Variants in CD247 observed in about 807,000 individuals in gnomAD.
CD247 encodes the protein T-cell surface glycoprotein CD3 zeta chain.
Under a neutral mutation model 30.0 loss-of-function variants are expected in CD247, and 13 were observed. The ratio of observed to expected loss-of-function variants is 0.43; its 90% CI spans 0.28 to 0.69. CD247 has a LOEUF of 0.69. Ranked by LOEUF, CD247 falls within the 30% of genes least tolerant of loss-of-function variation. CD247 has a pLI of 0.16. For missense variants in CD247, 193 were observed against 212.6 expected (o/e 0.91, Z 0.57); for synonymous variants, 72 against 80.0 (o/e 0.90, Z 0.53).
chr1:167,449,019 G>C (rs893070580), intron 1 of CD247, among the ~76,000 whole-genome samples: 21 of 152,154 alleles, frequency 1.4e-4, no homozygotes, highest in African/African-American at 5.1e-4. Flanking sequence ...GGTTCCAAGG[G>C]AAGAGGGAAG....
rs1651273691 is a variant in CD247, at chr1:167,431,692, G to A, written c.484C>T (p.Pro162Ser). The A allele has an allele frequency of 6.2e-6, 10 of 1,613,924 alleles. No individual in the cohort carries two copies. The highest frequency in any genetic ancestry group is 8.5e-6 in the Non-Finnish European group (10 of 1,179,776). Residue 162 changes from proline (P) to serine (S), a missense_variant, in exon 8 of 8, where the codon CCC (proline) becomes TCC (serine). Physicochemically the swap from Pro to Ser is moderately conservative, Grantham distance 74. Transcript: ENST00000362089. ...AAATCCCCTGGCTGTTAGCGAGGGG[G>A]CAGGGCCTGCATGTGAAGGGCGTCG... ...TYDALHMQAL[P>S]PR
At chr1:167,473,606 G>C (rs1245125486) in intron 1 of CD247, among the ~76,000 whole-genome samples, 2 of 152,304 alleles carry the variant, frequency 1.3e-5, no homozygotes, top group African/African-American at 4.8e-5. Context: ...TGCAGAACTG[G>C]GAGTCCTAGG....
rs188972073 is a variant in CD247, at chr1:167,459,300, T to A, written c.59-18533A>T. Among the ~76,000 whole-genome samples, 852 of 151,534 alleles carry A rather than the reference T, an allele frequency of 5.6e-3. 3 individuals are homozygous for A. The highest frequency in any genetic ancestry group is 0.012 in the South Asian group (56 of 4,784). ...AATGGGTCCAATTGTTAATTTTTTT[T>A]AAAGGTTCAAGAAATACACTACTTT... On this transcript the variant is annotated intron_variant, in intron 1 of 7. Transcript: ENST00000362089.
intron 1 of CD247, among the ~76,000 whole-genome samples, chr1:167,481,268 C>T (rs1052995323): frequency 6.6e-6 from 1 of 152,188 alleles, no homozygotes. Context: ...GGCTGGGCAA[C>T]AGAGAGAGAC....
chr1:167,476,779 A>C (rs1157610658), intron 1 of CD247, among the ~76,000 whole-genome samples: 3 of 152,192 alleles, frequency 2.0e-5, no homozygotes, highest in African/African-American at 7.2e-5. Context: ...CAGCCTGGGC[A>C]AGAGTGAGAC....
At chr1:167,504,955 C>T (rs577175206) in intron 1 of CD247, among the ~76,000 whole-genome samples, 1 of 152,264 alleles carries the variant, frequency 6.6e-6, no homozygotes, top group African/African-American at 2.4e-5. Context: ...AAAATTCATA[C>T]TCATGAAAAC....
At chr1:167,439,320 G>T (rs1651701606) in intron 3 of CD247, 24 bp downstream of exon 3, 2 of 1,610,672 alleles carry the variant, frequency 1.2e-6, no homozygotes, top group Admixed American at 3.3e-5. Flanking sequence ...CCTTTCCGGA[G>T]GGTCTACGGC....
At chr1:167,478,227 A>C (rs1242806259) in intron 1 of CD247, among the ~76,000 whole-genome samples, 1 of 152,220 alleles carries the variant, frequency 6.6e-6, no homozygotes, top group African/African-American at 2.4e-5. Flanking sequence ...TCTCTCACAC[A>C]CAGATGGAGA....
intron 1 of CD247, among the ~76,000 whole-genome samples, chr1:167,445,048 C>G (rs955044327): frequency 6.6e-6 from 1 of 152,146 alleles, no homozygotes; most frequent in Middle Eastern, 3.4e-3. Context: ...GCCTCAGCCT[C>G]CCAAGTGGCT....
intron 1 of CD247, among the ~76,000 whole-genome samples, chr1:167,462,726 G>A (rs575490614): frequency 1.3e-5 from 2 of 152,298 alleles, no homozygotes; most frequent in African/African-American, 2.4e-5. Context: ...AAGGGGGCCA[G>A]GGCAATTCTC....
At chr1:167,437,024 C>T (rs1651577108) in intron 4 of CD247, among the ~76,000 whole-genome samples, 1 of 152,178 alleles carries the variant, frequency 6.6e-6, no homozygotes. Context: ...AATGTCTATA[C>T]TCCCATGTTG....
At chr1:167,482,404 C>T (rs1028472219) in intron 1 of CD247, among the ~76,000 whole-genome samples, 5 of 152,356 alleles carry the variant, frequency 3.3e-5, no homozygotes, top group Admixed American at 3.3e-4. Flanking sequence ...AGGGCTTTGC[C>T]TGGGTTTGTT....
intron 1 of CD247, among the ~76,000 whole-genome samples, chr1:167,497,070 A>G (rs1654723610): frequency 6.6e-6 from 1 of 152,250 alleles, no homozygotes; most frequent in South Asian, 2.1e-4. Context: ...GCGTCCAAAC[A>G]TGAAGCCATC....
At chr1:167,440,409 T>A (rs56398873) in intron 2 of CD247, 4 of 554,330 alleles carry the variant, frequency 7.2e-6, no homozygotes, top group Non-Finnish European at 9.8e-6. Flanking sequence ...GACACTCTGA[T>A]GTGCACACAT....
intron 1 of CD247, among the ~76,000 whole-genome samples, chr1:167,457,220 G>T (rs1652724157): frequency 6.8e-6 from 1 of 147,908 alleles, no homozygotes. Context: ...GCCACAAGCT[G>T]CTCTGGGCCA....
At position 167,518,525 on chromosome 1, in the gene CD247, C is replaced by T. The variant is rs199622603; in HGVS notation, c.-60G>A. The T allele has an allele frequency of 2.0e-5, 30 of 1,467,598 alleles. No individual in the cohort carries two copies. The highest frequency in any genetic ancestry group is 1.7e-4 in the Middle Eastern group (1 of 5,814). The allele number at this position is 1,467,598 out of a possible 1,614,324, so 90.9% of individuals were successfully genotyped here. On this transcript the variant is annotated 5_prime_UTR_variant, in exon 1 of 8. Transcript: ENST00000362089. ...GAGGCTGAGGCAGCGGTGGCCGGGA[C>T]GGTTAGGAGAAAAGGAGTCTCTGCT...
chr1:167,448,888 A>T (rs1467811330), intron 1 of CD247, among the ~76,000 whole-genome samples: 3 of 152,162 alleles, frequency 2.0e-5, no homozygotes, highest in Non-Finnish European at 2.9e-5. Flanking sequence ...AAATTTTTTT[A>T]AAAAGTACCA....
chr1:167,465,653 A>T (rs1248394460), intron 1 of CD247, among the ~76,000 whole-genome samples: 1 of 152,096 alleles, frequency 6.6e-6, no homozygotes, highest in Non-Finnish European at 1.5e-5. Context: ...CTTCACCTGT[A>T]GTGTTGCTCT....
rs765713925 is a variant in CD247, at chr1:167,518,492, G to GGGAGGCAGAGGC, written c.-39_-28dup. On this transcript the variant is annotated 5_prime_UTR_variant, in exon 1 of 8. Transcript: ENST00000362089. The stretch of plus-strand genomic sequence containing the variant: ...TTGTCCTTTCCCTCAGAAAGAGGCT[G>GGGAGGCAGAGGC]GGAGGCAGAGGCTGAGGCAGCGGTG... The GGGAGGCAGAGGC allele has an allele frequency of 1.9e-6, 3 of 1,609,248 alleles. No individual in the cohort carries two copies. In the South Asian group the frequency reaches 3.3e-5, roughly 18 times the overall value.
Sources: gnomAD v4.1 joint callset for allele counts (sites outside exome capture counted in the v4.1 genomes callset) on GRCh38, gnomAD v4.1.1 for gene constraint, MANE v1.5 for transcripts, NCBI Gene and HGNC (gene_info 2026-07-23, HGNC 2026-07-21) for gene names.